PPARD: variants seen among roughly 807,000 people sequenced by gnomAD.
PPARD encodes peroxisome proliferator-activated receptor delta.
In PPARD, 6 loss-of-function variants were observed where a neutral mutation model predicts 39.5. The observed-to-expected ratio is 0.15, with a 90% confidence interval of 0.08 to 0.30. PPARD has a LOEUF of 0.30. Ranked by LOEUF, PPARD falls within the 10% of genes least tolerant of loss-of-function variation. The pLI is 1.00. For synonymous variants in PPARD, 210 were observed against 231.3 expected, an observed-to-expected ratio of 0.91 and a Z score of 0.83; for missense variants, 397 against 596.8, an observed-to-expected ratio of 0.67 and a Z score of 3.49.
At chr6:35,387,555 T>A (rs1763743621) in intron 2 of PPARD, among the ~76,000 whole-genome samples, 1 of 151,938 alleles carries the variant, frequency 6.6e-6, no homozygotes, top group African/African-American at 2.4e-5. Flanking sequence ...TCCACGGTTT[T>A]TCCATGCACG....
intron 2 of PPARD, among the ~76,000 whole-genome samples, chr6:35,380,172 G>C (rs1763052397): frequency 6.6e-6 from 1 of 152,196 alleles, no homozygotes; most frequent in Non-Finnish European, 1.5e-5. Context: ...GATGGATAGG[G>C]ATTCTGACTG....
intron 2 of PPARD, among the ~76,000 whole-genome samples, chr6:35,390,073 C>T (rs561006248): frequency 2.6e-5 from 4 of 152,316 alleles, no homozygotes; most frequent in South Asian, 4.2e-4. Context: ...GCGGACAGCT[C>T]GCCATTCCCA....
chr6:35,357,028 C>G (rs185912181), intron 2 of PPARD, among the ~76,000 whole-genome samples: 1 of 152,212 alleles, frequency 6.6e-6, no homozygotes, highest in Non-Finnish European at 1.5e-5. Context: ...CAGCTCTTCC[C>G]TGGAGCAGTT....
chr6:35,411,915 G>A (rs1241089395), intron 3 of PPARD, among the ~76,000 whole-genome samples: 1 of 151,996 alleles, frequency 6.6e-6, no homozygotes, highest in Non-Finnish European at 1.5e-5. Context: ...CCCTGCTGCA[G>A]TTCCCCCTGC....
At chr6:35,348,292 T>G in intron 2 of PPARD, 1 of 928,900 alleles carries the variant, frequency 1.1e-6, no homozygotes, top group Non-Finnish European at 1.3e-6. Context: ...CTCTGCCTCA[T>G]GGGTCTGTGG....
intron 3 of PPARD, among the ~76,000 whole-genome samples, chr6:35,414,092 A>G (rs1330617894): frequency 6.6e-6 from 1 of 152,210 alleles, no homozygotes; most frequent in African/African-American, 2.4e-5. Flanking sequence ...AGGACTGCTC[A>G]TAAGAGCAAA....
In PPARD at chr6:35,369,612, G is replaced by A. The variant is rs531999860; in HGVS notation, c.-102+22462G>A. Among the ~76,000 whole-genome samples, 4 of 152,308 alleles carry A rather than the reference G, an allele frequency of 2.6e-5. No individual in the cohort carries two copies. In the East Asian group the frequency reaches 7.7e-4, roughly 29 times the overall value. On this transcript the variant is annotated intron_variant, in intron 2 of 7. Coordinates refer to ENST00000360694, the MANE Select transcript of PPARD (RefSeq NM_006238.5). ...TGTCACTGGACATAATCATGGTACT[G>A]TTTTGAAACCTGCTTTAAACATTTA...
At chr6:35,358,087 A>T (rs1761724004) in intron 2 of PPARD, among the ~76,000 whole-genome samples, 1 of 152,188 alleles carries the variant, frequency 6.6e-6, no homozygotes, top group South Asian at 2.1e-4. Flanking sequence ...TAAATTAAGG[A>T]TCTTGAGATG....
At chr6:35,374,308 T>TGCGG (rs1554205487) in intron 2 of PPARD, among the ~76,000 whole-genome samples, 31 of 126,134 alleles carry the variant, frequency 2.5e-4, no homozygotes, top group African/African-American at 1.4e-3. Flanking sequence ...TTCTCGGCGG[T>TGCGG]GGGGCGGGGG....
Position 35,425,774 on chromosome 6 carries a change from G to T in PPARD, c.1079-58G>T, listed in dbSNP as rs1225263362. ...CTGGGCCAAGTCACCTCTTGGGGTG[G>T]AAGTAGGGGAGCTCCACTGCCTTTC... On this transcript the variant is annotated intron_variant, in intron 7 of 7. Transcript: ENST00000360694. This position sits in a 1 kb window ranked among gnomAD's most constrained non-coding sequence, Gnocchi z 4.5. 51 of 1,591,060 alleles carry T rather than the reference G, an allele frequency of 3.2e-5. No homozygotes were observed. Among genetic ancestry groups the T allele is most frequent in the Non-Finnish European group, 4.3e-5 (50 of 1,169,402 alleles).
intron 2 of PPARD, among the ~76,000 whole-genome samples, chr6:35,352,486 A>G (rs1417162704): frequency 6.6e-6 from 1 of 152,194 alleles, no homozygotes; most frequent in East Asian, 1.9e-4. Flanking sequence ...GCCCGGCCAC[A>G]AAGAATATTT....
intron 2 of PPARD, among the ~76,000 whole-genome samples, chr6:35,388,334 G>C (rs1228113878): frequency 1.3e-5 from 2 of 152,158 alleles, no homozygotes; most frequent in Non-Finnish European, 2.9e-5. Context: ...CATCTGCAGA[G>C]GAGCCTGGTG....
intron 5 of PPARD, among the ~76,000 whole-genome samples, chr6:35,422,353 C>T (rs993157678): frequency 6.6e-6 from 1 of 152,154 alleles, no homozygotes; most frequent in Non-Finnish European, 1.5e-5. Context: ...CCAGGTGGCC[C>T]TTCTTGGTTA....
chr6:35,385,643 AT>A (rs1164826441), intron 2 of PPARD, among the ~76,000 whole-genome samples: 544 of 82,956 alleles, frequency 6.6e-3, no homozygotes, highest in Middle Eastern at 0.02. Context: ...AAATAAATAA[AT>A]TTAAAAAAAA....
intron 2 of PPARD, among the ~76,000 whole-genome samples, chr6:35,382,103 C>T (rs1763188385): frequency 6.6e-6 from 1 of 152,178 alleles, no homozygotes; most frequent in Non-Finnish European, 1.5e-5. Flanking sequence ...GTTTTTGCCC[C>T]TCCATTCTGA....
rs563671533 is a variant in PPARD at position 35,428,015 on chromosome 6, C to T, written c.*1936C>T. ...CCCCGGCCACATGCCGCGTCCCTGC[C>T]CCGACCCGGGTCTGGTGCTGAGGAT... On this transcript the variant is annotated 3_prime_UTR_variant, in exon 8 of 8. Coordinates refer to ENST00000360694, the MANE Select transcript of PPARD (RefSeq NM_006238.5). 3.3e-5 allele frequency: 5 copies of T among 152,796 alleles called. No individual in the cohort carries two copies. Among genetic ancestry groups the T allele is most frequent in the African/African-American group, 9.6e-5 (4 of 41,588 alleles). The allele number at this position is 152,796 out of a possible 1,614,324, so 9.5% of individuals were successfully genotyped here. A position where few individuals can be genotyped will look rare whatever the true frequency, so the allele number is the denominator to read the frequency against.
At position 35,405,204 on chromosome 6, in the gene PPARD, C is replaced by T. The variant is rs148925261; in HGVS notation, c.-101-5783C>T. Reference sequence around the variant, plus strand: ...TCCCAGGTAGCTGGGATTACAGGTGCGTGCCACCACACCCGGATAACCAGG... The same window carrying T: ...TCCCAGGTAGCTGGGATTACAGGTGTGTGCCACCACACCCGGATAACCAGG... On this transcript the variant is annotated intron_variant, in intron 2 of 7. Coordinates refer to ENST00000360694, the MANE Select transcript of PPARD (RefSeq NM_006238.5). Among the ~76,000 whole-genome samples the T allele has an allele frequency of 3.1e-3, 463 of 151,290 alleles. 2 individuals are homozygous for T. The highest frequency in any genetic ancestry group is 4.5e-3 in the Admixed American group (68 of 15,206).
intron 2 of PPARD, among the ~76,000 whole-genome samples, chr6:35,355,187 T>G (rs572674490): frequency 6.6e-6 from 1 of 152,092 alleles, no homozygotes; most frequent in African/African-American, 2.4e-5. Flanking sequence ...CACCCCATTT[T>G]TTTTTCATTG....
At position 35,352,266 on chromosome 6, in the gene PPARD, C is replaced by T. The variant is rs533723717; in HGVS notation, c.-102+5116C>T. Among the ~76,000 whole-genome samples the T allele has an allele frequency of 9.9e-5, 15 of 151,320 alleles. No individual in the cohort carries two copies. The South Asian group carries it at 3.1e-3, about 32-fold the overall frequency. On this transcript the variant is annotated intron_variant, in intron 2 of 7. Coordinates refer to ENST00000360694, the MANE Select transcript of PPARD (RefSeq NM_006238.5). ...TGGTGTGATCTCGGCTCACTGCAAC[C>T]TCCGCCTCGTGGGTTCAAGTGATTC...
Sources: allele counts gnomAD v4.1 joint callset (sites outside exome capture counted in the v4.1 genomes callset), GRCh38; gene constraint gnomAD v4.1.1; non-coding constraint Gnocchi (gnomAD v3.1); transcripts MANE v1.5; gene names NCBI Gene and HGNC (gene_info 2026-07-23, HGNC 2026-07-21).